ZNF385D: variants seen among roughly 807,000 people sequenced by gnomAD.
ZNF385D encodes the protein zinc finger protein 659.
ZNF385D carries 15 observed loss-of-function variants against 35.8 expected under a neutral mutation model. That is an observed-to-expected ratio of 0.42 (90% CI 0.28 to 0.64). The LOEUF is 0.64. Among genes scored for constraint, ZNF385D ranks in the 30% least tolerant of loss-of-function variants. ZNF385D has a pLI of 0.23. For missense variants in ZNF385D, 474 were observed against 494.6 expected, an observed-to-expected ratio of 0.96 and a Z score of 0.39; for synonymous variants, 212 against 186.8, an observed-to-expected ratio of 1.13 and a Z score of -1.10.
At chr3:21,937,953 G>C (rs1575960146) in intron 3 of ZNF385D, among the ~76,000 whole-genome samples, 1 of 152,256 alleles carries the variant, frequency 6.6e-6, no homozygotes, top group South Asian at 2.1e-4. Flanking sequence ...TGTCTTTCTT[G>C]CAACAGTGTC....
intron 3 of ZNF385D, among the ~76,000 whole-genome samples, chr3:21,912,491 C>T (rs259543): frequency 0.29 from 43,788 of 151,734 alleles, 6,961 homozygotes; most frequent in South Asian, 0.41. Context: ...CAGATAAATC[C>T]GAATGTGTAC....
At chr3:22,205,582 C>A (rs1440273422) in intron 2 of ZNF385D, among the ~76,000 whole-genome samples, 6 of 151,694 alleles carry the variant, frequency 4.0e-5, no homozygotes, top group Non-Finnish European at 8.8e-5. Flanking sequence ...ATAGAAATAA[C>A]AAAAAGTTAA....
At chr3:22,313,355 A>T (rs981451057) in intron 2 of ZNF385D, among the ~76,000 whole-genome samples, 1 of 152,042 alleles carries the variant, frequency 6.6e-6, no homozygotes, top group Non-Finnish European at 1.5e-5. Flanking sequence ...CATATGTAAC[A>T]AACCTGCACG....
intron 1 of ZNF385D, among the ~76,000 whole-genome samples, chr3:21,733,587 AT>A (rs2069113404): frequency 6.6e-6 from 1 of 152,182 alleles, no homozygotes; most frequent in African/African-American, 2.4e-5. Context: ...AGCACAAGTT[AT>A]TAATTTTATG....
chr3:21,504,467 G>A (rs903626549), intron 4 of ZNF385D, among the ~76,000 whole-genome samples: 8 of 152,224 alleles, frequency 5.3e-5, no homozygotes, highest in Non-Finnish European at 1.0e-4. Context: ...AAAACTGATT[G>A]TTCCAAGTTT....
At chr3:21,714,861 A>G (rs1035275216) in intron 1 of ZNF385D, among the ~76,000 whole-genome samples, 4 of 152,172 alleles carry the variant, frequency 2.6e-5, no homozygotes, top group Non-Finnish European at 5.9e-5. Context: ...ATATAGCATG[A>G]TATTATAAGA....
At chr3:21,669,434 G>A (rs570308139) in intron 1 of ZNF385D, among the ~76,000 whole-genome samples, 130 of 152,164 alleles carry the variant, frequency 8.5e-4, no homozygotes, top group African/African-American at 2.9e-3. Flanking sequence ...TAAAAGGGCC[G>A]TATATTCACA....
chr3:21,800,852 T>C (rs1046202526), intron 3 of ZNF385D, among the ~76,000 whole-genome samples: 7 of 152,152 alleles, frequency 4.6e-5, no homozygotes, highest in African/African-American at 1.7e-4. Context: ...TCAATTTGTA[T>C]ACTTTTGTTT....
In ZNF385D at chr3:22,013,525, T is replaced by C. The variant is rs1270983742; in HGVS notation, c.325+155292A>G. Among the ~76,000 whole-genome samples, 6 of 152,128 alleles carry C rather than the reference T, an allele frequency of 3.9e-5. No individual in the cohort carries two copies. In the East Asian group the frequency reaches 1.2e-3, roughly 29 times the overall value. Reference sequence around the variant, plus strand: ...TGATATTTCGGTTGGTGTCTCCAAATAAAGATTTGAAAATAGTAAAATTTC... The same window carrying C: ...TGATATTTCGGTTGGTGTCTCCAAACAAAGATTTGAAAATAGTAAAATTTC... On this transcript the variant is annotated intron_variant, in intron 3 of 5. Coordinates refer to the ZNF385D transcript ENST00000494108.
intron 3 of ZNF385D, among the ~76,000 whole-genome samples, chr3:22,016,797 C>G (rs1192445524): frequency 6.6e-6 from 1 of 152,010 alleles, no homozygotes; most frequent in Admixed American, 6.6e-5. Context: ...ATAACCTAGT[C>G]TATCCTGACA....
intron 2 of ZNF385D, among the ~76,000 whole-genome samples, chr3:21,596,640 C>CTTTTTTTTTTTT (rs34205074): frequency 7.4e-6 from 1 of 134,370 alleles, no homozygotes; most frequent in African/African-American, 2.8e-5. Flanking sequence ...TCATGCTTGA[C>CTTTTTTTTTTTT]TTTTTTTTTT....
At chr3:22,039,792 G>C (rs555692005) in intron 3 of ZNF385D, among the ~76,000 whole-genome samples, 59 of 152,240 alleles carry the variant, frequency 3.9e-4, no homozygotes, top group Non-Finnish European at 7.2e-4. Flanking sequence ...TAGGAGTTGA[G>C]TTTTTCCTGG....
At chr3:21,618,170 A>C (rs2064902409) in intron 2 of ZNF385D, among the ~76,000 whole-genome samples, 1 of 152,206 alleles carries the variant, frequency 6.6e-6, no homozygotes, top group Admixed American at 6.5e-5. Context: ...ATAATTAGTG[A>C]TGCTGAGAGA....
chr3:22,139,465 G>C (rs2125700544), intron 3 of ZNF385D, among the ~76,000 whole-genome samples: 1 of 152,118 alleles, frequency 6.6e-6, no homozygotes, highest in South Asian at 2.1e-4. Context: ...GTCCTTTGTA[G>C]GGACATGGAT....
At chr3:22,288,227 A>G (rs770610411) in intron 2 of ZNF385D, among the ~76,000 whole-genome samples, 1 of 152,074 alleles carries the variant, frequency 6.6e-6, no homozygotes, top group Admixed American at 6.6e-5. Context: ...CAGAGTGAGT[A>G]TCTTTATATG....
chr3:21,950,728 G>A (rs4627765), intron 3 of ZNF385D, among the ~76,000 whole-genome samples: 39,787 of 151,452 alleles, frequency 0.26, 6,293 homozygotes, highest in Admixed American at 0.42. Flanking sequence ...TTTGCATAAG[G>A]TGTAAGGAAG....
intron 3 of ZNF385D, among the ~76,000 whole-genome samples, chr3:21,900,921 A>C (rs1373234751): frequency 6.6e-6 from 1 of 152,136 alleles, no homozygotes; most frequent in Non-Finnish European, 1.5e-5. Context: ...AAGCACTATA[A>C]TCTCCACTTT....
At chr3:22,263,367 C>A (rs1475244348) in intron 2 of ZNF385D, among the ~76,000 whole-genome samples, 1 of 151,926 alleles carries the variant, frequency 6.6e-6, no homozygotes, top group Non-Finnish European at 1.5e-5. Flanking sequence ...TGTCCAAGAT[C>A]TTCACAAAAC....
intron 3 of ZNF385D, among the ~76,000 whole-genome samples, chr3:21,758,598 A>G (rs2070452241): frequency 6.6e-6 from 1 of 152,090 alleles, no homozygotes; most frequent in Non-Finnish European, 1.5e-5. Flanking sequence ...TTCAGGGGAA[A>G]TTAATGAGAC....
Sources: allele counts gnomAD v4.1 joint callset (sites outside exome capture counted in the v4.1 genomes callset), GRCh38; gene constraint gnomAD v4.1.1; transcripts MANE v1.5; gene names NCBI Gene and HGNC (gene_info 2026-07-23, HGNC 2026-07-21).